Variants in SERGEF observed in about 807,000 individuals in gnomAD.
The protein encoded by SERGEF is secretion regulating guanine nucleotide exchange factor.
SERGEF carries 51 observed loss-of-function variants against 50.0 expected under a neutral mutation model. That is an observed-to-expected ratio of 1.02 (90% confidence interval 0.81 to 1.29). The LOEUF is 1.29. SERGEF is among the 50% of genes most tolerant of loss of function. The pLI is 0.00. For missense variants in SERGEF, 521 were observed against 557.0 expected (o/e 0.94, Z 0.65); for synonymous variants, 205 against 212.4 (o/e 0.97, Z 0.30).
chr11:17,947,026 G>T (rs1852676249), intron 9 of SERGEF, among the ~76,000 whole-genome samples: 1 of 152,206 alleles, frequency 6.6e-6, no homozygotes, highest in African/African-American at 2.4e-5. Flanking sequence ...TGCCCACTCA[G>T]TAGCAACATA....
chr11:17,845,593 A>C (rs532958807), intron 10 of SERGEF, among the ~76,000 whole-genome samples: 199 of 152,346 alleles, frequency 1.3e-3, no homozygotes, highest in Admixed American at 0.011. Context: ...GTAAGTGAAG[A>C]AATTGAATTA....
chr11:18,006,293 G>A (rs958878093), intron 3 of SERGEF, among the ~76,000 whole-genome samples: 1 of 152,138 alleles, frequency 6.6e-6, no homozygotes, highest in Admixed American at 6.5e-5. Flanking sequence ...CAAATAGCTG[G>A]GACTACAGAG....
rs576750986 is a variant in SERGEF, at chr11:17,900,502, G to A, written c.1012-22258C>T. On this transcript the variant is annotated intron_variant, in intron 9 of 10. Coordinates refer to ENST00000265965, the MANE Select transcript of SERGEF (RefSeq NM_012139.4). The stretch of plus-strand genomic sequence containing the variant: ...TAAAAGTCATCTAACTTTCCTATTT[G>A]ATATATGCTAATGGCTCCAATTGCA... 5.7e-4 allele frequency among the ~76,000 whole-genome samples: 87 copies of A among 152,188 alleles called. 1 individual carries two copies. Among genetic ancestry groups the A allele is most frequent in the African/African-American group, 1.9e-3 (78 of 41,522 alleles).
chr11:17,946,601 C>A (rs1565212205), intron 9 of SERGEF, among the ~76,000 whole-genome samples: 1 of 152,094 alleles, frequency 6.6e-6, no homozygotes, highest in Non-Finnish European at 1.5e-5. Context: ...ATGATAAATG[C>A]ATTATACAGC....
At chr11:17,923,186 C>G (rs534435204) in intron 9 of SERGEF, among the ~76,000 whole-genome samples, 4 of 152,376 alleles carry the variant, frequency 2.6e-5, no homozygotes, top group African/African-American at 4.8e-5. Context: ...ATTGGTCCAG[C>G]CCTGCCATAG....
At chr11:17,801,415 A>G (rs750470489) in intron 10 of SERGEF, among the ~76,000 whole-genome samples, 2 of 152,216 alleles carry the variant, frequency 1.3e-5, no homozygotes, top group Admixed American at 6.5e-5. Flanking sequence ...GCAGAGAACC[A>G]GGCAGTGCAG....
intron 10 of SERGEF, among the ~76,000 whole-genome samples, chr11:17,873,984 A>G (rs1851198134): frequency 6.6e-6 from 1 of 152,234 alleles, no homozygotes; most frequent in African/African-American, 2.4e-5. Flanking sequence ...CTGAAAGCAG[A>G]GCTGGATCTG....
intron 10 of SERGEF, among the ~76,000 whole-genome samples, chr11:17,808,714 C>A (rs1234637706): frequency 6.6e-6 from 1 of 152,206 alleles, no homozygotes; most frequent in African/African-American, 2.4e-5. Context: ...ATAATATAGG[C>A]CCCTACACCT....
intron 8 of SERGEF, among the ~76,000 whole-genome samples, chr11:17,973,118 G>A (rs2133982629): frequency 6.6e-6 from 1 of 152,234 alleles, no homozygotes; most frequent in African/African-American, 2.4e-5. Flanking sequence ...CTGGGAATGC[G>A]ACTTGGGAGT....
intron 9 of SERGEF, among the ~76,000 whole-genome samples, chr11:17,902,156 G>C (rs1018727403): frequency 4.6e-5 from 7 of 151,546 alleles, no homozygotes; most frequent in African/African-American, 1.7e-4. Context: ...GGGATGGAGG[G>C]AACAAATGAG....
chr11:17,890,198 T>C (rs1213248588), intron 9 of SERGEF, among the ~76,000 whole-genome samples: 1 of 152,104 alleles, frequency 6.6e-6, no homozygotes, highest in Admixed American at 6.5e-5. Flanking sequence ...AATCAACCTG[T>C]GCAAGGAAGG....
At position 17,991,742 on chromosome 11, in the gene SERGEF, T is replaced by G. The variant is rs986523811; in HGVS notation, c.685+1189A>C. ...TCAGAATTTGCAAAGCATTTAAACT[T>G]TCATATTATGGCTCCCGTGCTCTTG... On this transcript the variant is annotated intron_variant, in intron 7 of 10. Transcript: ENST00000265965. The surrounding 1 kb of genome is among the most constrained non-coding windows in gnomAD (Gnocchi z 4.9). 3.9e-5 allele frequency among the ~76,000 whole-genome samples: 6 copies of G among 152,214 alleles called. No homozygotes were observed. The highest frequency in any genetic ancestry group is 1.2e-4 in the African/African-American group (5 of 41,462).
At chr11:17,826,225 C>T (rs923118992) in intron 10 of SERGEF, among the ~76,000 whole-genome samples, 1 of 152,200 alleles carries the variant, frequency 6.6e-6, no homozygotes, top group African/African-American at 2.4e-5. Context: ...CTGTTGGTTT[C>T]TCCCCAAAGC....
At chr11:17,828,605 T>A (rs1850243662) in intron 10 of SERGEF, among the ~76,000 whole-genome samples, 1 of 152,256 alleles carries the variant, frequency 6.6e-6, no homozygotes, top group African/African-American at 2.4e-5. Flanking sequence ...CCGCTTTTAC[T>A]CTACAAGACA....
At chr11:17,984,521 C>A (rs1279037905) in intron 8 of SERGEF, among the ~76,000 whole-genome samples, 1 of 152,160 alleles carries the variant, frequency 6.6e-6, no homozygotes, top group African/African-American at 2.4e-5. Context: ...CCCATCAGGC[C>A]CCACCTCCAA....
intron 10 of SERGEF, among the ~76,000 whole-genome samples, chr11:17,790,069 C>T (rs562938935): frequency 3.7e-4 from 57 of 152,334 alleles, no homozygotes; most frequent in Middle Eastern, 6.8e-3. Flanking sequence ...AATAGAAAGA[C>T]GCAGATCTCC....
intron 10 of SERGEF, among the ~76,000 whole-genome samples, chr11:17,830,652 GA>G (rs1850286957): frequency 1.0e-5 from 1 of 97,990 alleles, no homozygotes; most frequent in African/African-American, 3.5e-5. Context: ...GAGGGAGGGA[GA>G]GAGAGAGAGA....
At chr11:17,800,811 G>A (rs776718298) in intron 10 of SERGEF, among the ~76,000 whole-genome samples, 4 of 152,178 alleles carry the variant, frequency 2.6e-5, no homozygotes, top group African/African-American at 7.2e-5. Flanking sequence ...AGGCTGGAAG[G>A]AGGAAGGCAT....
At chr11:17,790,057 T>G (rs1310324926) in intron 10 of SERGEF, among the ~76,000 whole-genome samples, 1 of 152,044 alleles carries the variant, frequency 6.6e-6, no homozygotes. Flanking sequence ...AGAAAATAAT[T>G]TAATAGAAAG....
Sources: gnomAD v4.1 joint callset for allele counts (sites outside exome capture counted in the v4.1 genomes callset) on GRCh38, gnomAD v4.1.1 for gene constraint, Gnocchi (gnomAD v3.1) non-coding constraint, MANE v1.5 for transcripts, NCBI Gene and HGNC (gene_info 2026-07-23, HGNC 2026-07-21) for gene names.